The following DISP2 variants were observed in gnomAD, a reference collection of about 807,000 sequenced individuals.
The protein encoded by DISP2 is dispatched RND transporter family member 2, also known as protein dispatched homolog 2.
A neutral mutation model predicts 95.5 loss-of-function variants in DISP2; 59 were observed. The observed-to-expected ratio is 0.62, with a 90% CI of 0.50 to 0.77. The LOEUF is 0.77. Among genes scored for constraint, DISP2 ranks in the 30% least tolerant of loss-of-function variants. The pLI is 0.00. For missense variants in DISP2, 1,752 were observed against 1,854.6 expected (o/e 0.94, Z 1.02); for synonymous variants, 827 against 815.0 (o/e 1.01, Z -0.25).
rs1566916398 is a variant in DISP2 at position 40,368,062 on chromosome 15, C to A, written c.1950C>A (p.Arg650=). Residue 650 remains arginine (R), a synonymous_variant, in exon 8 of 8, where the codon CGC becomes CGA. Transcript: ENST00000267889. Reference sequence around the variant, plus strand: ...TGCTCCACGAGCGCTACCTGGCGCGCGGCTGTGCGCGCCGGGCGCGGGGCC... The same window carrying A: ...TGCTCCACGAGCGCTACCTGGCGCGAGGCTGTGCGCGCCGGGCGCGGGGCC... ...SAVLHERYLA[R]GCARRARGRW... is the part of the protein sequence containing the mutation. 1 of 1,469,170 alleles carries A rather than the reference C, an allele frequency of 6.8e-7. No individual in the cohort carries two copies. The highest frequency in any genetic ancestry group is 2.8e-5 in the East Asian group (1 of 36,140). 91.0% of individuals were successfully genotyped at this position (1,469,170 alleles called of 1,614,324 possible). A position where few individuals can be genotyped will look rare whatever the true frequency, so the allele number is the denominator to read the frequency against.
chr15:40,363,531 CCTTGT>C lies in DISP2; in HGVS notation c.120-85_120-81del. 4 of 932,204 alleles carry C rather than the reference CCTTGT, an allele frequency of 4.3e-6. No individual in the cohort carries two copies. In the South Asian group the frequency reaches 5.8e-5, roughly 13 times the overall value. The allele number at this position is 932,204 out of a possible 1,614,324, so 57.7% of individuals were successfully genotyped here. A position where few individuals can be genotyped will look rare whatever the true frequency, so the allele number is the denominator to read the frequency against. The stretch of plus-strand genomic sequence containing the variant: ...ATAAATCAACCCTGAGTCCCTGTCC[CCTTGT>C]CTTGTCTTACTGAACTGAATAATGC... On this transcript the variant is annotated intron_variant, in intron 1 of 7. Transcript: ENST00000267889.
intron 4 of DISP2, 100 bp downstream of exon 4, chr15:40,364,644 T>C (rs1451758049): frequency 6.5e-7 from 1 of 1,540,472 alleles, no homozygotes; most frequent in African/African-American, 1.4e-5. Context: ...AGCCTGGGGA[T>C]AGGGTAGCCA....
In DISP2 at chr15:40,375,581, T is replaced by C. The variant is rs1243874317; in HGVS notation, c.*5263T>C. The C allele has an allele frequency of 2.8e-5, 4 of 142,504 alleles. No homozygotes were observed. Among genetic ancestry groups the C allele is most frequent in the Admixed American group, 7.1e-5 (1 of 13,992 alleles). The allele number at this position is 142,504 out of a possible 1,614,324, so 8.8% of individuals were successfully genotyped here. On this transcript the variant is annotated 3_prime_UTR_variant, in exon 8 of 8. Transcript: ENST00000267889. Reference sequence around the variant, plus strand: ...CATGAAGAAAACTGAAGCCTTCAAATAGAAATTTCCTCACCTTCAAGGCAC... The same window carrying C: ...CATGAAGAAAACTGAAGCCTTCAAACAGAAATTTCCTCACCTTCAAGGCAC...
At position 40,367,727 on chromosome 15, in the gene DISP2, T is replaced by C. The variant is rs1325723469; in HGVS notation, c.1615T>C (p.Tyr539His). Residue 539 changes from tyrosine to histidine, a missense_variant, in exon 8 of 8, where the codon TAC (tyrosine) becomes CAC (histidine). Physicochemically the swap from Tyr to His is moderately conservative, Grantham distance 83. Transcript: ENST00000267889. ...FLYQVAFRMA[Y>H]FPFVNLAALL... ...TTACCAGGTGGCCTTCCGCATGGCC[T>C]ACTTCCCCTTCGTCAATCTGGCAGC... The C allele has an allele frequency of 6.2e-7, 1 of 1,613,118 alleles. No homozygotes were observed. The highest frequency in any genetic ancestry group is 1.7e-5 in the Admixed American group (1 of 60,004).
intron 7 of DISP2, among the ~76,000 whole-genome samples, chr15:40,366,224 A>C (rs1229395027): frequency 6.6e-6 from 1 of 152,238 alleles, no homozygotes; most frequent in African/African-American, 2.4e-5. Flanking sequence ...AAGAACATGC[A>C]TTATAGAGTC....
At chr15:40,365,822 G>C in intron 7 of DISP2, 97 bp downstream of exon 7, 1 of 1,219,086 alleles carries the variant, frequency 8.2e-7, no homozygotes, top group Non-Finnish European at 1.2e-6. Context: ...CTGCCAGGGG[G>C]TGGACTGGGG....
At chr15:40,361,011 C>G (rs1449906468) in intron 1 of DISP2, among the ~76,000 whole-genome samples, 1 of 152,196 alleles carries the variant, frequency 6.6e-6, no homozygotes, top group Non-Finnish European at 1.5e-5. Context: ...ACAACCTAGG[C>G]CATTTATCCA....
At position 40,368,334 on chromosome 15, in the gene DISP2, G is replaced by C. The variant is rs766963535; in HGVS notation, c.2222G>C (p.Arg741Pro). ...CCGCCGCCCGGCGGCCAGGTCTTCC[G>C]GCCCAGCCACCCCTTCGAGCGCTTC... is the stretch of plus-strand genomic sequence containing the variant. ...TLPPPGGQVF[R>P]PSHPFERFDA... is the part of the protein sequence containing the mutation. The change falls in exon 8 of 8, where the codon CGG (arginine) becomes CCG (proline). Residue 741 changes from arginine (R) to proline (P), a missense_variant. By Grantham distance (103) the Arg-to-Pro change is moderately radical. Transcript: ENST00000267889. 179 of 1,603,700 alleles carry C rather than the reference G, an allele frequency of 1.1e-4. 3 individuals are homozygous for C. In the South Asian group the frequency reaches 1.7e-3, roughly 15 times the overall value.
Position 40,370,464 on chromosome 15 carries a change from A to G in DISP2, c.*146A>G. 3 of 1,319,300 alleles carry G rather than the reference A, an allele frequency of 2.3e-6. No individual in the cohort carries two copies. Among genetic ancestry groups the G allele is most frequent in the Non-Finnish European group, 3.1e-6 (3 of 977,270 alleles). The allele number at this position is 1,319,300 out of a possible 1,614,324, so 81.7% of individuals were successfully genotyped here. On this transcript the variant is annotated 3_prime_UTR_variant, in exon 8 of 8. Transcript: ENST00000267889. The stretch of plus-strand genomic sequence containing the variant: ...AGCTGTGGATGTTAAACCCTGCCAG[A>G]TGTCCCAGCCTTGATCTGTCTGCTC...
Position 40,364,855 on chromosome 15 carries a change from C to G in DISP2, c.621C>G (p.Asp207Glu). The change falls in exon 5 of 8, where the codon GAC becomes GAG. Residue 207 changes from aspartate to glutamate, a missense_variant. Around this residue, in one of 5 missense-constraint regions of DISP2, gnomAD observed 342 missense variants for 364.3 expected, o/e 0.94. Transcript: ENST00000267889. Reference sequence around the variant, plus strand: ...CCCTGCAGGGCTTTGAGCCACGGGACACAGACATTGGGAGCAAGTTAGTGG... The same window carrying G: ...CCCTGCAGGGCTTTGAGCCACGGGAGACAGACATTGGGAGCAAGTTAGTGG... ...SKPLLGFEPR[D>E]TDIGSKLVVW... 1 of 1,614,080 alleles carries G rather than the reference C, an allele frequency of 6.2e-7. No homozygotes were observed. Among genetic ancestry groups the G allele is most frequent in the Non-Finnish European group, 8.5e-7 (1 of 1,179,978 alleles).
At chr15:40,364,285 G>C in intron 3 of DISP2, 30 bp downstream of exon 3, 1 of 1,614,046 alleles carries the variant, frequency 6.2e-7, no homozygotes, top group Non-Finnish European at 8.5e-7. Context: ...GGACCTCTAG[G>C]GGTGACCAGG....
chr15:40,372,500 C>T lies in DISP2; in HGVS notation c.*2182C>T, dbSNP rs1372107480. On this transcript the variant is annotated 3_prime_UTR_variant, in exon 8 of 8. Transcript: ENST00000267889. Reference sequence around the variant, plus strand: ...AGGCAGGTACGGCAGGATACCTTGGCTCCTTTGCAAGATAAGTAAATCAAG... The same window carrying T: ...AGGCAGGTACGGCAGGATACCTTGGTTCCTTTGCAAGATAAGTAAATCAAG... 1 of 152,176 alleles carries T rather than the reference C, an allele frequency of 6.6e-6. No individual in the cohort carries two copies. Among genetic ancestry groups the T allele is most frequent in the East Asian group, 1.9e-4 (1 of 5,200 alleles). The allele number at this position is 152,176 out of a possible 1,614,324, so 9.4% of individuals were successfully genotyped here. A position where few individuals can be genotyped will look rare whatever the true frequency, so the allele number is the denominator to read the frequency against.
At chr15:40,365,497 G>A in intron 6 of DISP2, 131 bp from the exon 7 acceptor site, 1 of 1,276,408 alleles carries the variant, frequency 7.8e-7, no homozygotes, top group Non-Finnish European at 1.1e-6. Flanking sequence ...ACAGGATCAG[G>A]CAGTCCATGC....
Position 40,368,188 on chromosome 15 carries a change from G to C in DISP2, c.2076G>C (p.Gln692His). The change falls in exon 8 of 8, where the codon CAG becomes CAC. Residue 692 changes from glutamine (Q) to histidine (H), a missense_variant. Gln to His is a conservative substitution (Grantham distance 24). Transcript: ENST00000267889. Reference protein sequence around the residue: ...AAAGTSRLLFQRLLPCGVIKF... With the variant: ...AAAGTSRLLFHRLLPCGVIKF... ...CTGGCACCTCGCGTCTGCTCTTCCA[G>C]CGCCTGCTGCCCTGCGGCGTCATCA... 1 of 1,602,146 alleles carries C rather than the reference G, an allele frequency of 6.2e-7. No individual in the cohort carries two copies. Among genetic ancestry groups the C allele is most frequent in the Non-Finnish European group, 8.5e-7 (1 of 1,176,734 alleles).
rs1240795281 is a variant in DISP2 at position 40,364,312 on chromosome 15, C to T, written c.479+57C>T. 4 of 1,613,988 alleles carry T rather than the reference C, an allele frequency of 2.5e-6. No homozygotes were observed. In the East Asian group the frequency reaches 8.9e-5, roughly 36 times the overall value. On this transcript the variant is annotated intron_variant, in intron 3 of 7. Coordinates refer to ENST00000267889, the MANE Select transcript of DISP2 (RefSeq NM_033510.3). ...GTGACCAGGCTGGTGCCCAGTTAGC[C>T]CTGTTCCCCGTGCTCTCTGCTCTAT... is the stretch of plus-strand genomic sequence containing the variant.
chr15:40,365,566 T>C, intron 6 of DISP2, 62 bp from the exon 7 acceptor site: 1 of 1,583,780 alleles, frequency 6.3e-7, no homozygotes, highest in South Asian at 1.1e-5. Context: ...GCATCTTCCC[T>C]TTGGAGGACC....
Position 40,367,206 on chromosome 15 carries a change from T to C in DISP2, c.1094T>C (p.Leu365Pro). ...DTTQADAART[L>P]ALLRTCALYY... The stretch of plus-strand genomic sequence containing the variant: ...ACCCAAGCTGACGCAGCCCGCACAC[T>C]GGCCCTGCTTCGGACCTGTGCCCTC... Residue 365 changes from leucine to proline, a missense_variant, in exon 8 of 8, where the codon CTG (leucine) becomes CCG (proline). Physicochemically the swap from Leu to Pro is moderately conservative, Grantham distance 98 (BLOSUM62 -3). This residue lies in a region of DISP2 where 732 missense variants were observed against 714.6 expected (regional missense o/e 1.02). Coordinates refer to ENST00000267889, the MANE Select transcript of DISP2 (RefSeq NM_033510.3). The C allele has an allele frequency of 6.2e-7, 1 of 1,614,040 alleles. No homozygotes were observed. Among genetic ancestry groups the C allele is most frequent in the Non-Finnish European group, 8.5e-7 (1 of 1,180,012 alleles).
At position 40,373,441 on chromosome 15, in the gene DISP2, T is replaced by A. The variant is rs1375333062; in HGVS notation, c.*3123T>A. On this transcript the variant is annotated 3_prime_UTR_variant, in exon 8 of 8. Transcript: ENST00000267889. ...ACTTGAGGCCGGACATGATGGCTCATGCCTGTAATCCCAGCACTTTGGGAG... is the reference window on the plus strand; with the variant it reads ...ACTTGAGGCCGGACATGATGGCTCAAGCCTGTAATCCCAGCACTTTGGGAG... 3 of 152,224 alleles carry A rather than the reference T, an allele frequency of 2.0e-5. No individual in the cohort carries two copies. The highest frequency in any genetic ancestry group is 2.0e-4 in the Admixed American group (3 of 15,280). The allele number at this position is 152,224 out of a possible 1,614,324, so 9.4% of individuals were successfully genotyped here.
intron 1 of DISP2, among the ~76,000 whole-genome samples, chr15:40,361,064 T>C (rs1356141665): frequency 6.6e-6 from 1 of 152,256 alleles, no homozygotes; most frequent in Admixed American, 6.5e-5. Context: ...GAGTATTTTA[T>C]CTGCCAGGAC....
Sources: allele counts gnomAD v4.1 joint callset (sites outside exome capture counted in the v4.1 genomes callset), GRCh38; gene constraint gnomAD v4.1.1; regional missense constraint gnomAD v4.1.1; transcripts MANE v1.5; gene names NCBI Gene and HGNC (gene_info 2026-07-23, HGNC 2026-07-21).